The following LGR6 variants were observed in gnomAD, a reference collection of about 807,000 sequenced individuals.
LGR6 encodes the protein leucine rich repeat containing G protein-coupled receptor 6, also known as leucine-rich repeat-containing G protein-coupled receptor 6.
Under a neutral mutation model 69.4 loss-of-function variants are expected in LGR6, and 45 were observed. The observed-to-expected ratio is 0.65, with a 90% CI of 0.51 to 0.83. LGR6 has a LOEUF of 0.83. LGR6 is among the 40% of genes least tolerant of loss of function. The pLI is 0.00. For synonymous variants in LGR6, 538 were observed against 555.0 expected (o/e 0.97, Z 0.43); for missense variants, 1,108 against 1,246.7 (o/e 0.89, Z 1.68).
chr1:202,312,631 G>A (rs1653830926), intron 16 of LGR6, among the ~76,000 whole-genome samples: 1 of 152,206 alleles, frequency 6.6e-6, no homozygotes, highest in African/African-American at 2.4e-5. Flanking sequence ...TGGAGGAAGA[G>A]CCCACAGGAT....
chr1:202,300,569 C>T (rs898071612), intron 7 of LGR6, among the ~76,000 whole-genome samples: 6 of 151,466 alleles, frequency 4.0e-5, no homozygotes, highest in East Asian at 1.9e-4. Context: ...GCAGGAGAAT[C>T]GCTTGAGCCC....
intron 3 of LGR6, among the ~76,000 whole-genome samples, chr1:202,235,065 G>C (rs929727009): frequency 6.6e-6 from 1 of 152,154 alleles, no homozygotes. Flanking sequence ...TGCCTCAGGG[G>C]ACTCCCTGCG....
intron 17 of LGR6, among the ~76,000 whole-genome samples, chr1:202,316,594 A>T (rs1654161707): frequency 6.6e-6 from 1 of 152,154 alleles, no homozygotes; most frequent in South Asian, 2.1e-4. Context: ...ACCTATATGT[A>T]TGTATGTATT....
At chr1:202,248,054 G>T (rs1197642162) in intron 4 of LGR6, among the ~76,000 whole-genome samples, 2 of 152,220 alleles carry the variant, frequency 1.3e-5, no homozygotes, top group South Asian at 2.1e-4. Flanking sequence ...TGGAGCCCAG[G>T]TGTCTGCCAG....
chr1:202,211,882 A>G (rs1659475942), intron 1 of LGR6, among the ~76,000 whole-genome samples: 1 of 152,098 alleles, frequency 6.6e-6, no homozygotes. Flanking sequence ...ATTTCTAACA[A>G]CATAGGTAGG....
intron 12 of LGR6, 103 bp from the exon 13 acceptor site, chr1:202,306,765 G>T (rs1442129864): frequency 9.6e-7 from 1 of 1,036,386 alleles, no homozygotes; most frequent in East Asian, 2.5e-5. Context: ...CCTGTGCCAG[G>T]AGAAGTGGGG....
At chr1:202,214,241 G>C in intron 1 of LGR6, 1 of 1,541,350 alleles carries the variant, frequency 6.5e-7, no homozygotes, top group African/African-American at 1.4e-5. Context: ...CGCCCAGGTA[G>C]GCTTGGGGGA....
chr1:202,236,722 C>T (rs1267652786), intron 4 of LGR6, among the ~76,000 whole-genome samples: 1 of 152,058 alleles, frequency 6.6e-6, no homozygotes, highest in African/African-American at 2.4e-5. Flanking sequence ...CAACTTCATC[C>T]GATGGGAGAG....
chr1:202,296,433 G>A (rs911688076), intron 6 of LGR6, among the ~76,000 whole-genome samples: 2 of 152,158 alleles, frequency 1.3e-5, no homozygotes, highest in African/African-American at 4.8e-5. Context: ...CTTTCTAGAA[G>A]TACCCTGTAG....
chr1:202,305,567 C>G, intron 11 of LGR6, 117 bp from the exon 12 acceptor site: 1 of 823,414 alleles, frequency 1.2e-6, no homozygotes, highest in Non-Finnish European at 2.1e-6. Context: ...CTGTGGGGTC[C>G]CCACAGCCTT....
At chr1:202,293,501 G>C (rs1390261671) in intron 6 of LGR6, among the ~76,000 whole-genome samples, 1 of 151,922 alleles carries the variant, frequency 6.6e-6, no homozygotes, top group Admixed American at 6.6e-5. Context: ...AGATAGGAGT[G>C]GGTTTTTTTT....
intron 1 of LGR6, among the ~76,000 whole-genome samples, chr1:202,211,436 C>T (rs1420220431): frequency 6.6e-6 from 1 of 152,188 alleles, no homozygotes; most frequent in Non-Finnish European, 1.5e-5. Context: ...TCACTGCAAC[C>T]TCTGCCTCCC....
chr1:202,210,496 G>A (rs1459472577), intron 1 of LGR6, among the ~76,000 whole-genome samples: 1 of 151,910 alleles, frequency 6.6e-6, no homozygotes. Context: ...GGGAGGGAGG[G>A]CAGCCCTCTT....
intron 7 of LGR6, among the ~76,000 whole-genome samples, chr1:202,298,246 G>T (rs985699876): frequency 2.0e-5 from 3 of 152,204 alleles, no homozygotes; most frequent in Non-Finnish European, 2.9e-5. Context: ...AATGTGGAAA[G>T]ATCATTGTGG....
At chr1:202,274,915 T>G (rs2148156830) in intron 4 of LGR6, among the ~76,000 whole-genome samples, 1 of 152,328 alleles carries the variant, frequency 6.6e-6, no homozygotes, top group South Asian at 2.1e-4. Flanking sequence ...GAATGTGCTT[T>G]CACACCCAAG....
intron 11 of LGR6, 32 bp downstream of exon 11, chr1:202,304,662 C>T (rs1460301460): frequency 1.3e-6 from 2 of 1,549,926 alleles, no homozygotes; most frequent in Non-Finnish European, 1.8e-6. Context: ...ACAGTCTTGG[C>T]ATTGTGCCCC....
intron 6 of LGR6, among the ~76,000 whole-genome samples, chr1:202,283,556 G>C (rs144625970): frequency 2.0e-5 from 3 of 152,152 alleles, no homozygotes; most frequent in East Asian, 3.9e-4. Context: ...AAACCCCTGC[G>C]GCCCAAGCTG....
At chr1:202,300,791 C>A in intron 7 of LGR6, 58 bp from the exon 8 acceptor site, 1 of 1,265,490 alleles carries the variant, frequency 7.9e-7, no homozygotes, top group African/African-American at 1.5e-5. Context: ...GAATTCCATG[C>A]CTCTCCCTCT....
chr1:202,219,760 T>C (rs1365824180), intron 1 of LGR6, among the ~76,000 whole-genome samples: 2 of 152,234 alleles, frequency 1.3e-5, no homozygotes, highest in Non-Finnish European at 2.9e-5. Flanking sequence ...AGTCCTTGCC[T>C]TGAAGAAACA....
Sources: allele counts gnomAD v4.1 joint callset (sites outside exome capture counted in the v4.1 genomes callset), GRCh38; gene constraint gnomAD v4.1.1; transcripts MANE v1.5; gene names NCBI Gene and HGNC (gene_info 2026-07-23, HGNC 2026-07-21).